Variants in EXT1 observed in about 807,000 individuals in gnomAD.
The protein encoded by EXT1 is exostosin-1.
A neutral mutation model predicts 82.5 loss-of-function variants in EXT1; 20 were observed. The observed-to-expected ratio is 0.24, with a 90% CI of 0.17 to 0.35. The LOEUF is 0.35. Ranked by LOEUF, EXT1 falls within the 10% of genes least tolerant of loss-of-function variation. The pLI is 1.00. For missense variants in EXT1, 757 were observed against 936.5 expected (o/e 0.81, Z 2.50); for synonymous variants, 348 against 350.8 (o/e 0.99, Z 0.09).
chr8:117,885,494 CAAAAAAA>C (rs11300586), intron 1 of EXT1, among the ~76,000 whole-genome samples: 3 of 103,418 alleles, frequency 2.9e-5, no homozygotes, highest in Admixed American at 1.1e-4. Flanking sequence ...AAGTAACAGA[CAAAAAAA>C]AAAAAAAAAA....
chr8:117,830,118 T>C (rs1259318946), intron 4 of EXT1, 112 bp downstream of exon 4: 2 of 1,362,134 alleles, frequency 1.5e-6, no homozygotes, highest in Non-Finnish European at 2.1e-6. Context: ...AGTACAGGAA[T>C]CTGGTTTTGC....
At chr8:117,953,541 G>A (rs530073547) in intron 1 of EXT1, among the ~76,000 whole-genome samples, 13 of 151,794 alleles carry the variant, frequency 8.6e-5, no homozygotes, top group African/African-American at 2.4e-4. Context: ...CAGTGCCACC[G>A]TGGAAGACTC....
chr8:117,795,044 A>C lies in EXT1; in HGVS notation c.*4668T>G, dbSNP rs919082742. On this transcript the variant is annotated 3_prime_UTR_variant, in exon 11 of 11. Transcript: ENST00000378204. ...TATTCCTGTAGGAGAAGAACAGAAAACTATTGCAGAAATCAAATGGCCTGA... is the reference window on the plus strand; with the variant it reads ...TATTCCTGTAGGAGAAGAACAGAAACCTATTGCAGAAATCAAATGGCCTGA... 7 of 152,316 alleles carry C rather than the reference A, an allele frequency of 4.6e-5. No homozygotes were observed. Among genetic ancestry groups the C allele is most frequent in the Admixed American group, 3.9e-4 (6 of 15,306 alleles). 9.4% of individuals were successfully genotyped at this position (152,316 alleles called of 1,614,324 possible). A position where few individuals can be genotyped will look rare whatever the true frequency, so the allele number is the denominator to read the frequency against.
chr8:117,968,463 G>A (rs1325731811), intron 1 of EXT1, among the ~76,000 whole-genome samples: 1 of 151,360 alleles, frequency 6.6e-6, no homozygotes, highest in African/African-American at 2.4e-5. Flanking sequence ...TCACAGCTGA[G>A]GTTCAAACTC....
intron 1 of EXT1, among the ~76,000 whole-genome samples, chr8:118,025,604 A>G (rs1383187086): frequency 6.6e-6 from 1 of 152,210 alleles, no homozygotes; most frequent in African/African-American, 2.4e-5. Flanking sequence ...ATGCAGGCAC[A>G]AGACTGTAAA....
In EXT1 at chr8:117,796,847, T is replaced by TAA. The variant is rs1235425954; in HGVS notation, c.*2863_*2864dup. 6.6e-6 allele frequency: 1 copy of TAA among 152,216 alleles called. No individual in the cohort carries two copies. Among genetic ancestry groups the TAA allele is most frequent in the Non-Finnish European group, 1.5e-5 (1 of 68,034 alleles). 9.4% of individuals were successfully genotyped at this position (152,216 alleles called of 1,614,324 possible). A position where few individuals can be genotyped will look rare whatever the true frequency, so the allele number is the denominator to read the frequency against. ...ATGTATTTGTAAGCTTTGATATTTA[T>TAA]AACACTTTCATATAAATAAATACAC... On this transcript the variant is annotated 3_prime_UTR_variant, in exon 11 of 11. Transcript: ENST00000378204.
intron 9 of EXT1, 27 bp from the exon 10 acceptor site, chr8:117,804,920 AG>A (rs2129694367): frequency 1.2e-6 from 2 of 1,612,762 alleles, no homozygotes; most frequent in South Asian, 1.1e-5. Flanking sequence ...TGGGTTTCAC[AG>A]GGGGCCATTA....
At chr8:117,909,849 C>G (rs1380183078) in intron 1 of EXT1, among the ~76,000 whole-genome samples, 1 of 152,176 alleles carries the variant, frequency 6.6e-6, no homozygotes, top group Non-Finnish European at 1.5e-5. Flanking sequence ...CTCACTGCAA[C>G]CTCCGCCTCC....
At chr8:117,814,479 C>T (rs577552782) in intron 7 of EXT1, among the ~76,000 whole-genome samples, 22 of 152,176 alleles carry the variant, frequency 1.4e-4, no homozygotes, top group African/African-American at 5.1e-4. Flanking sequence ...ATCTTTATAA[C>T]AACCCCATTT....
chr8:118,077,630 T>C (rs948288476), intron 1 of EXT1, among the ~76,000 whole-genome samples: 4 of 152,142 alleles, frequency 2.6e-5, no homozygotes, highest in Admixed American at 6.5e-5. Context: ...CGGCAGAAGA[T>C]TTAGGTCTTA....
At chr8:117,879,091 G>T (rs992950143) in intron 1 of EXT1, among the ~76,000 whole-genome samples, 2 of 152,192 alleles carry the variant, frequency 1.3e-5, no homozygotes, top group Non-Finnish European at 2.9e-5. Context: ...AATACAGCTA[G>T]ATGTCAACAG....
chr8:117,943,894 G>T (rs1040616718), intron 1 of EXT1, among the ~76,000 whole-genome samples: 2 of 152,090 alleles, frequency 1.3e-5, no homozygotes, highest in African/African-American at 4.8e-5. Context: ...CTATGCCAGG[G>T]CCCCAGCAGG....
At chr8:117,840,574 T>G (rs948372249) in intron 1 of EXT1, among the ~76,000 whole-genome samples, 1 of 150,568 alleles carries the variant, frequency 6.6e-6, no homozygotes, top group African/African-American at 2.4e-5. Context: ...ATAGTGCCAT[T>G]GTACTCCAGC....
At chr8:118,046,858 C>A (rs1048139252) in intron 1 of EXT1, among the ~76,000 whole-genome samples, 47 of 152,268 alleles carry the variant, frequency 3.1e-4, no homozygotes, top group Middle Eastern at 3.4e-3. Context: ...CAACAGAATA[C>A]CCCTATGGGG....
intron 1 of EXT1, among the ~76,000 whole-genome samples, chr8:118,036,279 G>C (rs1816417732): frequency 6.6e-6 from 1 of 151,924 alleles, no homozygotes; most frequent in Non-Finnish European, 1.5e-5. Context: ...TATTCAGGCT[G>C]TTAGCCATTC....
At chr8:117,879,181 G>A (rs1438559757) in intron 1 of EXT1, among the ~76,000 whole-genome samples, 1 of 152,162 alleles carries the variant, frequency 6.6e-6, no homozygotes, top group Non-Finnish European at 1.5e-5. Context: ...TTATCAGAAT[G>A]CAGGTGACTA....
intron 5 of EXT1, 142 bp from the exon 6 acceptor site, chr8:117,819,936 G>A: frequency 1.3e-6 from 1 of 789,058 alleles, no homozygotes; most frequent in East Asian, 2.5e-5. Context: ...GTCCTGACAG[G>A]ACAGAAACAA....
At chr8:118,004,343 T>C (rs1039201776) in intron 1 of EXT1, among the ~76,000 whole-genome samples, 15 of 152,226 alleles carry the variant, frequency 9.9e-5, no homozygotes, top group African/African-American at 2.9e-4. Flanking sequence ...ATATGTGTGT[T>C]TTACTGTTGC....
intron 1 of EXT1, among the ~76,000 whole-genome samples, chr8:117,881,137 TCATG>T (rs537777868): frequency 1.3e-5 from 2 of 152,198 alleles, no homozygotes; most frequent in South Asian, 4.1e-4. Flanking sequence ...AAACTATGGT[TCATG>T]CATTGCCTGT....
Sources: gnomAD v4.1 joint callset for allele counts (sites outside exome capture counted in the v4.1 genomes callset) on GRCh38, gnomAD v4.1.1 for gene constraint, MANE v1.5 for transcripts, NCBI Gene and HGNC (gene_info 2026-07-23, HGNC 2026-07-21) for gene names.